The following IDO2 variants were observed in gnomAD, a reference collection of about 807,000 sequenced individuals.
The protein encoded by IDO2 is indoleamine 2,3-dioxygenase-like 1 protein.
In IDO2, 46 loss-of-function variants were observed where a neutral mutation model predicts 45.1. That is an observed-to-expected ratio of 1.02 (90% CI 0.80 to 1.30). IDO2 has a LOEUF of 1.30. Ranked by LOEUF, IDO2 falls within the 50% of genes most tolerant of loss-of-function variation. The pLI is 0.00. For missense variants in IDO2, 544 were observed against 491.8 expected (o/e 1.11, Z -1.00); for synonymous variants, 218 against 184.9 (o/e 1.18, Z -1.45).
intron 2 of IDO2, among the ~76,000 whole-genome samples, chr8:39,956,991 C>T (rs958213194): frequency 7.9e-5 from 10 of 127,250 alleles, no homozygotes; most frequent in Admixed American, 2.9e-4. Flanking sequence ...TGCAGTGAAC[C>T]GAGCTCACAC....
intron 4 of IDO2, among the ~76,000 whole-genome samples, chr8:39,979,882 C>A (rs574523207): frequency 1.3e-5 from 2 of 152,066 alleles, no homozygotes; most frequent in Non-Finnish European, 2.9e-5. Flanking sequence ...TGCAGTGGTG[C>A]AATCATAGCT....
At chr8:39,960,289 T>C (rs1225592350) in intron 2 of IDO2, among the ~76,000 whole-genome samples, 1 of 151,896 alleles carries the variant, frequency 6.6e-6, no homozygotes, top group East Asian at 1.9e-4. Flanking sequence ...TGCTAAGAAA[T>C]TGAGTCCATA....
chr8:40,004,715 G>C (rs1373027534), intron 8 of IDO2, among the ~76,000 whole-genome samples: 1 of 151,978 alleles, frequency 6.6e-6, no homozygotes, highest in Non-Finnish European at 1.5e-5. Context: ...CAAATAAGAG[G>C]GCAGGCTTCC....
At chr8:40,011,995 A>G (rs1018647436) in intron 9 of IDO2, among the ~76,000 whole-genome samples, 8 of 152,176 alleles carry the variant, frequency 5.3e-5, no homozygotes, top group African/African-American at 1.7e-4. Context: ...TGCGGAGGCC[A>G]CTGTGCTGTT....
chr8:39,995,251 C>CCTTCTTCTTCTTCTTCTTCTTCTTCTT (rs760826062), intron 8 of IDO2: 2 of 78,066 alleles, frequency 2.6e-5, no homozygotes, highest in African/African-American at 5.1e-5. Context: ...TTCTCCTTCT[C>CCTTCTTCTTCTTCTTCTTCTTCTTCTT]CTTCTTCTTC....
At chr8:40,011,953 C>G (rs1802316295) in intron 9 of IDO2, among the ~76,000 whole-genome samples, 1 of 152,174 alleles carries the variant, frequency 6.6e-6, no homozygotes, top group Non-Finnish European at 1.5e-5. Flanking sequence ...CTTTCTGTAC[C>G]GCATCTCTTT....
intron 10 of IDO2, among the ~76,000 whole-genome samples, chr8:40,014,541 A>G (rs950128717): frequency 4.6e-5 from 7 of 152,210 alleles, no homozygotes; most frequent in African/African-American, 1.7e-4. Context: ...AAAACAAAGC[A>G]CTGAGAAAAC....
rs183556776 is a variant in IDO2, at chr8:40,005,183, A to G, written c.668-144A>G. ...GGGCAACTGCAGAAGAGAACATTCT[A>G]TCCCCCGTTGCTGCAGCTTTCATTC... On this transcript the variant is annotated intron_variant, in intron 8 of 10. Coordinates refer to ENST00000502986, the Ensembl canonical transcript of IDO2. 637 of 485,516 alleles carry G rather than the reference A, an allele frequency of 1.3e-3. 8 individuals are homozygous for G. In the East Asian group the frequency reaches 0.018, roughly 13 times the overall value. 30.1% of individuals were successfully genotyped at this position (485,516 alleles called of 1,614,324 possible).
chr8:40,016,277 G>A (rs1802386614), exon 11 of IDO2: 2 of 398,042 alleles, frequency 5.0e-6, no homozygotes, highest in African/African-American at 4.1e-5. Context: ...TTCTTACTCT[G>A]AAAATCTGTA....
At chr8:39,986,671 GAGATAGATAGAT>G (rs56228406) in intron 6 of IDO2, among the ~76,000 whole-genome samples, 3,215 of 143,648 alleles carry the variant, frequency 0.022, 116 homozygotes, top group African/African-American at 0.077. Flanking sequence ...GTACAGCATT[GAGATAGATAGAT>G]AGATAGATAG....
intron 2 of IDO2, among the ~76,000 whole-genome samples, chr8:39,954,657 T>TA (rs1807863320): frequency 7.1e-6 from 1 of 140,622 alleles, no homozygotes; most frequent in Non-Finnish European, 1.5e-5. Context: ...CTCTTTTTTT[T>TA]TTTTTTTTTT....
In IDO2 at chr8:39,965,060, T is replaced by C. The variant is rs572689837; in HGVS notation, c.195+1357T>C. On this transcript the variant is annotated intron_variant, in intron 3 of 10. Transcript: ENST00000502986. ...CCGTAGGCATTTACCAGGCTTTATT[T>C]GATTTAACTGCCATAAAGGAAGAGA... 2.0e-5 allele frequency among the ~76,000 whole-genome samples: 3 copies of C among 152,366 alleles called. No individual in the cohort carries two copies. In the South Asian group the frequency reaches 6.2e-4, roughly 32 times the overall value.
chr8:39,951,275 A>AT lies in IDO2; in HGVS notation c.99+2027dup, dbSNP rs71220803. ...AATGACTGCAACATCGGACCCCAAG[A>AT]TTTTTTTTTTTTTTTTCTGAGATAG... On this transcript the variant is annotated intron_variant, in intron 2 of 10. Coordinates refer to ENST00000502986, the Ensembl canonical transcript of IDO2. Among the ~76,000 whole-genome samples the AT allele has an allele frequency of 9.3e-4, 126 of 136,018 alleles. 1 individual carries two copies. Among genetic ancestry groups the AT allele is most frequent in the African/African-American group, 2.9e-3 (103 of 35,990 alleles). 89.2% of individuals were successfully genotyped at this position (136,018 alleles called of 152,430 possible). A position where few individuals can be genotyped will look rare whatever the true frequency, so the allele number is the denominator to read the frequency against.
intron 1 of IDO2, among the ~76,000 whole-genome samples, chr8:39,944,136 T>C (rs906042724): frequency 1.3e-5 from 2 of 152,152 alleles, no homozygotes; most frequent in Admixed American, 1.3e-4. Flanking sequence ...GAAGGAGAGA[T>C]GTGTATGGAT....
At chr8:39,969,948 G>A (rs1459191118) in intron 3 of IDO2, among the ~76,000 whole-genome samples, 2 of 152,036 alleles carry the variant, frequency 1.3e-5, no homozygotes, top group Non-Finnish European at 2.9e-5. Context: ...AAACCAGATA[G>A]GCTTAAAGCT....
intron 8 of IDO2, among the ~76,000 whole-genome samples, chr8:39,991,344 T>C (rs901888951): frequency 4.6e-5 from 7 of 152,158 alleles, no homozygotes; most frequent in Non-Finnish European, 8.8e-5. Context: ...AGATGAGATG[T>C]GTTTTAGCTT....
rs564983161 is a variant in IDO2, at chr8:39,961,063, G to A, written c.100-2545G>A. Among the ~76,000 whole-genome samples the A allele has an allele frequency of 1.4e-3, 210 of 152,274 alleles. 1 individual carries two copies. Among genetic ancestry groups the A allele is most frequent in the African/African-American group, 4.9e-3 (202 of 41,556 alleles). On this transcript the variant is annotated intron_variant, in intron 2 of 10. Coordinates refer to ENST00000502986, the Ensembl canonical transcript of IDO2. ...CTCCCAAAGAGTTGGGATTATAGGC[G>A]TGAGCCACCGCACCTGGCCCTACTG...
intron 2 of IDO2, among the ~76,000 whole-genome samples, chr8:39,949,958 A>T (rs921774182): frequency 2.6e-5 from 4 of 152,180 alleles, no homozygotes; most frequent in African/African-American, 9.7e-5. Context: ...TGTAATGCAA[A>T]TCTTTTTCAT....
At chr8:39,951,964 A>G (rs1222806486) in intron 2 of IDO2, among the ~76,000 whole-genome samples, 1 of 152,234 alleles carries the variant, frequency 6.6e-6, no homozygotes, top group Non-Finnish European at 1.5e-5. Flanking sequence ...TGTTAATGGA[A>G]TGTCCATTCC....
Sources: allele counts gnomAD v4.1 joint callset (sites outside exome capture counted in the v4.1 genomes callset), GRCh38; gene constraint gnomAD v4.1.1; transcripts MANE v1.5; gene names NCBI Gene and HGNC (gene_info 2026-07-23, HGNC 2026-07-21).